The following CACNA2D1 variants were observed in gnomAD, a reference collection of about 807,000 sequenced individuals.
CACNA2D1 encodes voltage-dependent calcium channel subunit alpha-2/delta-1.
In CACNA2D1, 53 loss-of-function variants were observed where a neutral mutation model predicts 171.5. The ratio of observed to expected loss-of-function variants is 0.31; its 90% CI spans 0.25 to 0.39. The LOEUF is 0.39. CACNA2D1 is among the 10% of genes least tolerant of loss of function. The pLI is 1.00. For missense variants in CACNA2D1, 903 were observed against 1,299.8 expected (o/e 0.69, Z 4.69); for synonymous variants, 442 against 443.1 (o/e 1.00, Z 0.03).
chr7:82,340,288 G>A (rs1409955377), intron 2 of CACNA2D1, among the ~76,000 whole-genome samples: 3 of 151,646 alleles, frequency 2.0e-5, no homozygotes, highest in Non-Finnish European at 2.9e-5. Flanking sequence ...TTGAGTTCTT[G>A]CTGAAAGCCA....
chr7:82,041,224 T>C (rs1380045182), intron 10 of CACNA2D1, among the ~76,000 whole-genome samples: 1 of 151,888 alleles, frequency 6.6e-6, no homozygotes, highest in Non-Finnish European at 1.5e-5. Flanking sequence ...ATAAGAAGAC[T>C]GGTGTTAAAG....
At chr7:82,020,659 C>T (rs534330004) in intron 12 of CACNA2D1, among the ~76,000 whole-genome samples, 1 of 152,102 alleles carries the variant, frequency 6.6e-6, no homozygotes, top group South Asian at 2.1e-4. Flanking sequence ...CCTAAAATAA[C>T]TCAAAATAAC....
At chr7:82,012,394 G>A (rs1194322090) in intron 14 of CACNA2D1, 151 bp from the exon 15 acceptor site, 1 of 638,614 alleles carries the variant, frequency 1.6e-6, no homozygotes, top group Non-Finnish European at 2.8e-6. Flanking sequence ...TTTCTATTTT[G>A]GGTACTCCAT....
intron 1 of CACNA2D1, among the ~76,000 whole-genome samples, chr7:82,426,633 G>A (rs1202815202): frequency 2.0e-5 from 3 of 151,990 alleles, no homozygotes; most frequent in African/African-American, 7.3e-5. Context: ...TATCTTTAAC[G>A]TTACAATTTT....
chr7:81,966,738 G>A (rs1215162343), intron 31 of CACNA2D1, among the ~76,000 whole-genome samples: 4 of 151,228 alleles, frequency 2.6e-5, no homozygotes, highest in African/African-American at 2.4e-5. Context: ...AATACTTCCA[G>A]GTTTAGTTAA....
chr7:82,237,289 C>G (rs745957389), intron 3 of CACNA2D1, among the ~76,000 whole-genome samples: 14 of 151,786 alleles, frequency 9.2e-5, no homozygotes, highest in Non-Finnish European at 1.8e-4. Context: ...TGAATAAAGA[C>G]AGGAAATAAA....
At chr7:82,135,653 C>G (rs1008548708) in intron 5 of CACNA2D1, among the ~76,000 whole-genome samples, 2 of 152,010 alleles carry the variant, frequency 1.3e-5, no homozygotes, top group African/African-American at 2.4e-5. Context: ...GTGACATTAT[C>G]AAGCCATTAT....
intron 1 of CACNA2D1, among the ~76,000 whole-genome samples, chr7:82,365,415 C>T (rs1449184030): frequency 2.0e-5 from 3 of 152,152 alleles, no homozygotes; most frequent in South Asian, 2.1e-4. Flanking sequence ...ACTGTGAAGA[C>T]AATTCTCTTA....
Position 81,971,840 on chromosome 7 carries a change from A to G in CACNA2D1, c.2078T>C (p.Val693Ala), listed in dbSNP as rs759844706. Residue 693 changes from valine (V) to alanine (A), a missense_variant, in exon 26 of 39, where the codon GTC becomes GCC. Physicochemically the swap from Val to Ala is moderately conservative, Grantham distance 64 (BLOSUM62 0). This residue lies in a region of CACNA2D1 where 623 missense variants were observed against 925.5 expected (regional missense o/e 0.67). Coordinates refer to ENST00000356860, the MANE Select transcript of CACNA2D1 (RefSeq NM_000722.4). Reference sequence around the variant, plus strand: ...ATTTGTAAAGCCTGCATCAAGCAAGACTCTATTAATCAAATCCGCGTTACC... The same window carrying G: ...ATTTGTAAAGCCTGCATCAAGCAAGGCTCTATTAATCAAATCCGCGTTACC... ...PSCNADLINR[V>A]LLDAGFTNEL... The G allele has an allele frequency of 6.2e-7, 1 of 1,607,740 alleles. No individual in the cohort carries two copies. Among genetic ancestry groups the G allele is most frequent in the East Asian group, 2.2e-5 (1 of 44,674 alleles).
At position 82,136,689 on chromosome 7, in the gene CACNA2D1, A is replaced by G. The variant is rs377344318; in HGVS notation, c.355-13T>C. ...CAACTTCATTGCTCTACAAAAAAAA[A>G]AGAACGCTTTATTGATTTTAATAAA... is the stretch of plus-strand genomic sequence containing the variant. On this transcript the variant is annotated splice_polypyrimidine_tract_variant and intron_variant, in intron 4 of 38. Coordinates refer to ENST00000356860, the MANE Select transcript of CACNA2D1 (RefSeq NM_000722.4). 70 of 1,561,282 alleles carry G rather than the reference A, an allele frequency of 4.5e-5. 1 individual carries two copies. The Middle Eastern group carries it at 5.1e-4, about 11-fold the overall frequency.
At chr7:81,975,596 A>G (rs973821489) in intron 24 of CACNA2D1, among the ~76,000 whole-genome samples, 2 of 152,164 alleles carry the variant, frequency 1.3e-5, no homozygotes, top group Non-Finnish European at 2.9e-5. Flanking sequence ...AAACAATATT[A>G]ATAGTTTTTT....
At chr7:82,356,255 G>A (rs1034145351) in intron 1 of CACNA2D1, among the ~76,000 whole-genome samples, 2 of 152,078 alleles carry the variant, frequency 1.3e-5, no homozygotes, top group African/African-American at 2.4e-5. Flanking sequence ...ACACAGCCCC[G>A]CTAGCTTTTT....
At chr7:81,972,209 A>G (rs890445332) in intron 25 of CACNA2D1, among the ~76,000 whole-genome samples, 17 of 151,386 alleles carry the variant, frequency 1.1e-4, no homozygotes, top group African/African-American at 4.1e-4. Flanking sequence ...CAACCATCAT[A>G]ATTTTATGAC....
chr7:82,389,465 C>A (rs1390879672), intron 1 of CACNA2D1, among the ~76,000 whole-genome samples: 1 of 152,040 alleles, frequency 6.6e-6, no homozygotes, highest in Non-Finnish European at 1.5e-5. Flanking sequence ...GTCCTGAGTT[C>A]TTCACTTCCA....
intron 34 of CACNA2D1, among the ~76,000 whole-genome samples, chr7:81,963,314 T>C (rs1403685563): frequency 6.6e-6 from 1 of 151,856 alleles, no homozygotes; most frequent in East Asian, 1.9e-4. Flanking sequence ...TATTGTACAT[T>C]AATCTACATG....
chr7:82,397,504 T>C (rs181247515), intron 1 of CACNA2D1, among the ~76,000 whole-genome samples: 12 of 152,304 alleles, frequency 7.9e-5, no homozygotes, highest in Non-Finnish European at 1.6e-4. Context: ...ACAATATTCA[T>C]TTTGCCTAGA....
chr7:82,094,046 AC>A (rs773673322), intron 6 of CACNA2D1, among the ~76,000 whole-genome samples: 42 of 152,130 alleles, frequency 2.8e-4, no homozygotes, highest in Non-Finnish European at 4.7e-4. Context: ...GCTCCTGGGG[AC>A]AAGGGTGATA....
At chr7:82,274,917 T>C (rs1267835910) in intron 3 of CACNA2D1, among the ~76,000 whole-genome samples, 1 of 152,150 alleles carries the variant, frequency 6.6e-6, no homozygotes, top group African/African-American at 2.4e-5. Flanking sequence ...GTTCCATGCA[T>C]CATAAAAATG....
intron 14 of CACNA2D1, among the ~76,000 whole-genome samples, chr7:82,012,935 A>C (rs1256366934): frequency 1.3e-5 from 2 of 152,138 alleles, no homozygotes. Flanking sequence ...TACATTCTAC[A>C]AAAAGTTATT....
Sources: allele counts gnomAD v4.1 joint callset (sites outside exome capture counted in the v4.1 genomes callset), GRCh38; gene constraint gnomAD v4.1.1; regional missense constraint gnomAD v4.1.1; transcripts MANE v1.5; gene names NCBI Gene and HGNC (gene_info 2026-07-23, HGNC 2026-07-21).